Variants in RPRD2 observed in about 807,000 individuals in gnomAD.
RPRD2 encodes regulation of nuclear pre-mRNA domain-containing protein 2.
In RPRD2, 12 loss-of-function variants were observed where a neutral mutation model predicts 104.4. That is an observed-to-expected ratio of 0.11 (90% CI 0.07 to 0.19). The LOEUF (loss-of-function observed/expected upper bound fraction) is 0.19. RPRD2 is among the 10% of genes least tolerant of loss of function. RPRD2 has a pLI of 1.00. For missense variants in RPRD2, 1,543 were observed against 1,790.1 expected (o/e 0.86, Z 2.49); for synonymous variants, 714 against 684.9 (o/e 1.04, Z -0.66).
At chr1:150,383,418 G>A (rs1302296080) in intron 1 of RPRD2, among the ~76,000 whole-genome samples, 2 of 150,230 alleles carry the variant, frequency 1.3e-5, no homozygotes, top group Admixed American at 6.7e-5. Context: ...AGGTTCAAGC[G>A]ATTCTCCTGC....
Position 150,471,243 on chromosome 1 carries a change from C to T in RPRD2, c.2295C>T (p.Ser765=). The T allele has an allele frequency of 6.2e-7, 1 of 1,613,836 alleles. No individual in the cohort carries two copies. The highest frequency in any genetic ancestry group is 8.5e-7 in the Non-Finnish European group (1 of 1,179,840). Residue 765 remains serine (S), a synonymous_variant, in exon 11 of 11, where the codon AGC becomes AGT. Transcript: ENST00000369068. This position sits in a 1 kb window ranked among gnomAD's most constrained non-coding sequence, Gnocchi z 5.3. The stretch of plus-strand genomic sequence containing the variant: ...TTAGCCCTGGTTCCTCAACACCCAG[C>T]AGTACAAGATCACCACCCCCTGGGA... The part of the protein sequence containing the change: ...KIISPGSSTP[S]STRSPPPGRD...
chr1:150,400,108 C>CT (rs1553885026), intron 1 of RPRD2, among the ~76,000 whole-genome samples: 4 of 152,160 alleles, frequency 2.6e-5, no homozygotes, highest in African/African-American at 9.7e-5. Context: ...ATGTATTTTA[C>CT]TAGGTGATAA....
intron 1 of RPRD2, among the ~76,000 whole-genome samples, chr1:150,387,147 T>C (rs1661624078): frequency 6.6e-6 from 1 of 152,216 alleles, no homozygotes; most frequent in Admixed American, 6.5e-5. Flanking sequence ...CAAATTGTTG[T>C]AAATCTCCTA....
intron 2 of RPRD2, among the ~76,000 whole-genome samples, chr1:150,429,502 G>A (rs1301009823): frequency 1.3e-5 from 2 of 151,764 alleles, no homozygotes; most frequent in African/African-American, 2.4e-5. Flanking sequence ...CTACAGGCAC[G>A]CACAACCATA....
Position 150,460,109 on chromosome 1 carries a change from T to C in RPRD2, c.1203T>C (p.Ser401=), listed in dbSNP as rs782268856. 6.2e-7 allele frequency: 1 copy of C among 1,614,004 alleles called. No individual in the cohort carries two copies. The highest frequency in any genetic ancestry group is 8.5e-7 in the Non-Finnish European group (1 of 1,179,874). ...CAGAGAAGTCAGCTGTATCCACTTC[T>C]GTACCTACAAAGCCAACAGAAAATA... ...KPAEKSAVST[S]VPTKPTENIS... The change falls in exon 9 of 11, where the codon TCT becomes TCC. Residue 401 remains serine (S), a synonymous_variant. Transcript: ENST00000369068.
intron 1 of RPRD2, among the ~76,000 whole-genome samples, chr1:150,405,876 C>T (rs917542650): frequency 6.6e-6 from 1 of 152,082 alleles, no homozygotes; most frequent in East Asian, 1.9e-4. Flanking sequence ...ATATTGACCG[C>T]CAGGGTATTG....
chr1:150,364,597 C>A lies in RPRD2; in HGVS notation c.-118C>A, dbSNP rs1286451931. 6 of 619,890 alleles carry A rather than the reference C, an allele frequency of 9.7e-6. No homozygotes were observed. Among genetic ancestry groups the A allele is most frequent in the African/African-American group, 7.4e-5 (4 of 53,900 alleles). 38.4% of individuals were successfully genotyped at this position (619,890 alleles called of 1,614,324 possible). The stretch of plus-strand genomic sequence containing the variant: ...CCCAGCGCGTGCACCATCCCCACCC[C>A]CTAGCTTCCCTCCCCACCTACGGCT... On this transcript the variant is annotated 5_prime_UTR_variant, in exon 1 of 11. Coordinates refer to ENST00000369068, the MANE Select transcript of RPRD2 (RefSeq NM_015203.5).
chr1:150,387,752 C>T (rs1017786701), intron 1 of RPRD2, among the ~76,000 whole-genome samples: 5 of 150,250 alleles, frequency 3.3e-5, no homozygotes, highest in Admixed American at 1.3e-4. Flanking sequence ...CCATGACACC[C>T]GGCTAATTTT....
In RPRD2 at chr1:150,473,525, CACTTA is replaced by C. The variant is rs1364811909; in HGVS notation, c.*192_*196del. The C allele has an allele frequency of 3.0e-6, 1 of 334,976 alleles. No homozygotes were observed. Among genetic ancestry groups the C allele is most frequent in the African/African-American group, 2.5e-5 (1 of 39,490 alleles). The allele number at this position is 334,976 out of a possible 1,614,324, so 20.8% of individuals were successfully genotyped here. On this transcript the variant is annotated 3_prime_UTR_variant, in exon 11 of 11. Transcript: ENST00000369068. ...TTCAATTCAATCCTCCCTCCCATTG[CACTTA>C]TCTACCTTCCCCAAGTTGTTTGTAT...
At chr1:150,457,713 GT>G (rs1202697846) in intron 8 of RPRD2, 143 bp downstream of exon 8, 15 of 756,526 alleles carry the variant, frequency 2.0e-5, no homozygotes, top group African/African-American at 3.5e-5. Context: ...CTCTAGAGCA[GT>G]TGTTGAGGAT....
At chr1:150,445,320 C>T (rs1666685764) in intron 6 of RPRD2, among the ~76,000 whole-genome samples, 1 of 152,258 alleles carries the variant, frequency 6.6e-6, no homozygotes, top group East Asian at 1.9e-4. Flanking sequence ...ACCCAAGTTA[C>T]ACAACTGATA....
chr1:150,378,306 A>G (rs1054182179), intron 1 of RPRD2, among the ~76,000 whole-genome samples: 7 of 152,202 alleles, frequency 4.6e-5, no homozygotes, highest in Middle Eastern at 3.2e-3. Context: ...AATAAACCCT[A>G]TAAATGACAA....
chr1:150,436,293 A>G (rs1055281389), intron 2 of RPRD2, among the ~76,000 whole-genome samples: 3 of 152,182 alleles, frequency 2.0e-5, no homozygotes, highest in South Asian at 2.1e-4. Context: ...TGACCTTTCA[A>G]TTCTTGTTGT....
At position 150,475,184 on chromosome 1, in the gene RPRD2, A is replaced by T. The variant is rs1668831494; in HGVS notation, c.*1850A>T. On this transcript the variant is annotated 3_prime_UTR_variant, in exon 11 of 11. Coordinates refer to ENST00000369068, the MANE Select transcript of RPRD2 (RefSeq NM_015203.5). Reference sequence around the variant, plus strand: ...GTGGGATGGGGTATGTAGTGTAGCAAAGAAAAGAAAGTATAGTTATATTGA... The same window carrying T: ...GTGGGATGGGGTATGTAGTGTAGCATAGAAAAGAAAGTATAGTTATATTGA... The T allele has an allele frequency of 6.6e-6, 1 of 152,188 alleles. No individual in the cohort carries two copies. Among genetic ancestry groups the T allele is most frequent in the African/African-American group, 2.4e-5 (1 of 41,436 alleles). 9.4% of individuals were successfully genotyped at this position (152,188 alleles called of 1,614,324 possible).
At chr1:150,457,014 A>C (rs1667577540) in intron 7 of RPRD2, among the ~76,000 whole-genome samples, 1 of 152,054 alleles carries the variant, frequency 6.6e-6, no homozygotes, top group Non-Finnish European at 1.5e-5. Flanking sequence ...ACTTGAGGCC[A>C]GGAGTTCGAG....
chr1:150,421,414 G>T (rs186951211), intron 2 of RPRD2, among the ~76,000 whole-genome samples: 1 of 152,166 alleles, frequency 6.6e-6, no homozygotes, highest in East Asian at 1.9e-4. Flanking sequence ...AAAAGATTTG[G>T]TATTGTTAAA....
At position 150,460,312 on chromosome 1, in the gene RPRD2, A is replaced by G; in HGVS notation, c.1406A>G (p.Asn469Ser). The change falls in exon 9 of 11, where the codon AAT becomes AGT. Residue 469 changes from asparagine to serine, a missense_variant. This residue lies in a region of RPRD2 where 572 missense variants were observed against 787.3 expected (regional missense o/e 0.73). Coordinates refer to ENST00000369068, the MANE Select transcript of RPRD2 (RefSeq NM_015203.5). ...ILSSLTSVMK[N>S]TGVSPASRPS... ...AGCAGTTTAACATCAGTCATGAAAA[A>G]TACTGGTAAGTAAGCCCAGTAAGGA... 1.2e-6 allele frequency: 2 copies of G among 1,610,458 alleles called. No individual in the cohort carries two copies. The highest frequency in any genetic ancestry group is 8.5e-7 in the Non-Finnish European group (1 of 1,177,964).
intron 1 of RPRD2, among the ~76,000 whole-genome samples, chr1:150,372,622 A>T (rs782572241): frequency 2.0e-5 from 3 of 152,180 alleles, no homozygotes; most frequent in Non-Finnish European, 4.4e-5. Context: ...AATAGAAAGC[A>T]GGGAAGGGGG....
intron 1 of RPRD2, among the ~76,000 whole-genome samples, chr1:150,371,083 GA>G (rs1398740901): frequency 1.3e-5 from 2 of 151,950 alleles, no homozygotes; most frequent in African/African-American, 2.4e-5. Flanking sequence ...ACATGGACTA[GA>G]AAAAAATCTC....
Sources: allele counts gnomAD v4.1 joint callset (sites outside exome capture counted in the v4.1 genomes callset), GRCh38; gene constraint gnomAD v4.1.1; regional missense constraint gnomAD v4.1.1; non-coding constraint Gnocchi (gnomAD v3.1); transcripts MANE v1.5; gene names NCBI Gene and HGNC (gene_info 2026-07-23, HGNC 2026-07-21).